The following ALG14 variants were observed in gnomAD, a reference collection of about 807,000 sequenced individuals.
ALG14 encodes the protein ALG14 UDP-N-acetylglucosaminyltransferase subunit, also known as UDP-N-acetylglucosamine transferase subunit ALG14.
In ALG14, 17 loss-of-function variants were observed where a neutral mutation model predicts 22.8. The observed-to-expected ratio is 0.75, with a 90% CI of 0.51 to 1.12. The LOEUF (loss-of-function observed/expected upper bound fraction) is 1.12, where lower values mean the gene tolerates loss of function less well. Ranked by LOEUF, ALG14 falls within the 50% of genes most tolerant of loss-of-function variation. The pLI, the probability that ALG14 is intolerant of heterozygous loss-of-function variation, is 0.00. For missense variants in ALG14, 288 were observed against 271.8 expected (o/e 1.06, Z -0.42); for synonymous variants, 89 against 103.7 (o/e 0.86, Z 0.86).
intron 3 of ALG14, among the ~76,000 whole-genome samples, chr1:94,984,607 ATTTGTCTTCAGAC>A (rs1258891592): frequency 6.6e-6 from 1 of 152,208 alleles, no homozygotes. Flanking sequence ...TTTATGGAGA[ATTTGTCTTCAGAC>A]TTTCCCTTGA....
At chr1:94,986,466 CTTTT>C (rs891261423) in intron 3 of ALG14, among the ~76,000 whole-genome samples, 1 of 151,402 alleles carries the variant, frequency 6.6e-6, no homozygotes, top group African/African-American at 2.4e-5. Flanking sequence ...TGACTGACAG[CTTTT>C]TTTTTCTTTT....
intron 2 of ALG14, among the ~76,000 whole-genome samples, chr1:95,057,669 C>T (rs1355574225): frequency 6.7e-6 from 1 of 148,322 alleles, no homozygotes; most frequent in African/African-American, 2.5e-5. Flanking sequence ...TACATATGAC[C>T]TATATATAAT....
At chr1:94,992,957 T>C (rs1329954842) in intron 3 of ALG14, among the ~76,000 whole-genome samples, 5 of 151,886 alleles carry the variant, frequency 3.3e-5, no homozygotes, top group Non-Finnish European at 5.9e-5. Context: ...CTTGTGGCAT[T>C]TTTCAAACTT....
chr1:95,001,605 C>T (rs1316035389), intron 3 of ALG14, among the ~76,000 whole-genome samples: 3 of 152,304 alleles, frequency 2.0e-5, no homozygotes, highest in African/African-American at 4.8e-5. Context: ...GAGCAATTCT[C>T]GTGTCTCAGC....
At chr1:95,019,557 GA>G (rs1386940674) in intron 3 of ALG14, among the ~76,000 whole-genome samples, 1 of 152,264 alleles carries the variant, frequency 6.6e-6, no homozygotes, top group East Asian at 1.9e-4. Flanking sequence ...GTATCTTAGG[GA>G]AAATCAGTTA....
At chr1:95,029,579 G>A (rs1673934070) in intron 2 of ALG14, among the ~76,000 whole-genome samples, 1 of 152,150 alleles carries the variant, frequency 6.6e-6, no homozygotes, top group East Asian at 1.9e-4. Context: ...CTTTCCCCTT[G>A]GCCTTGAGAA....
chr1:95,053,133 A>C (rs1201215513), intron 2 of ALG14, among the ~76,000 whole-genome samples: 2 of 152,192 alleles, frequency 1.3e-5, no homozygotes, highest in Non-Finnish European at 2.9e-5. Context: ...AAATTCTGCT[A>C]TATGTCATTT....
At chr1:95,026,084 C>T (rs571252014) in intron 3 of ALG14, among the ~76,000 whole-genome samples, 6 of 152,162 alleles carry the variant, frequency 3.9e-5, no homozygotes, top group Non-Finnish European at 7.3e-5. Context: ...AGGCGCCCAC[C>T]ACCACGGCCG....
chr1:94,983,600 G>A lies in ALG14; in HGVS notation c.421-294C>T, dbSNP rs551984591. On this transcript the variant is annotated intron_variant, in intron 3 of 3. Transcript: ENST00000370205. Reference sequence around the variant, plus strand: ...TGCTCAGTCAGCACTCATCGGACAGGCATGTGTTGCTCTTCTCTGACTGCT... The same window carrying A: ...TGCTCAGTCAGCACTCATCGGACAGACATGTGTTGCTCTTCTCTGACTGCT... The A allele has an allele frequency of 8.5e-6, 3 of 352,064 alleles. No individual in the cohort carries two copies. In the Admixed American group the frequency reaches 1.3e-4, roughly 16 times the overall value. 21.8% of individuals were successfully genotyped at this position (352,064 alleles called of 1,614,324 possible).
intron 3 of ALG14, among the ~76,000 whole-genome samples, chr1:94,992,975 A>T (rs893607245): frequency 6.6e-6 from 1 of 151,876 alleles, no homozygotes; most frequent in African/African-American, 2.4e-5. Flanking sequence ...CTTTAAGGGT[A>T]CTGTGTGGAA....
chr1:95,011,430 CT>C lies in ALG14; in HGVS notation c.420+15698del, dbSNP rs1389887684. On this transcript the variant is annotated intron_variant, in intron 3 of 3. Coordinates refer to ENST00000370205, the MANE Select transcript of ALG14 (RefSeq NM_144988.4). ...CTGTGAGAAATAAATTTCTTTCTTT[CT>C]TTTTTTTTTTTTGAGACAGAGTCTC... Among the ~76,000 whole-genome samples the C allele has an allele frequency of 5.1e-3, 745 of 144,766 alleles. 1 individual carries two copies. The highest frequency in any genetic ancestry group is 0.012 in the African/African-American group (470 of 39,806). 95.0% of individuals were successfully genotyped at this position (144,766 alleles called of 152,430 possible).
intron 3 of ALG14, among the ~76,000 whole-genome samples, chr1:95,017,523 A>G (rs551863105): frequency 6.6e-6 from 1 of 152,266 alleles, no homozygotes; most frequent in African/African-American, 2.4e-5. Context: ...CAGGTGGGAG[A>G]GAATGTCAAG....
chr1:95,025,910 G>A (rs1033568781), intron 3 of ALG14, among the ~76,000 whole-genome samples: 6 of 152,146 alleles, frequency 3.9e-5, no homozygotes, highest in Non-Finnish European at 8.8e-5. Flanking sequence ...TGTACTTATC[G>A]TGAAACCAGT....
chr1:95,047,997 T>C (rs915113263), intron 2 of ALG14, among the ~76,000 whole-genome samples: 9 of 152,004 alleles, frequency 5.9e-5, no homozygotes, highest in African/African-American at 2.2e-4. Flanking sequence ...ACATAAACAA[T>C]AAATAAAATT....
At chr1:94,991,151 A>C (rs984683799) in intron 3 of ALG14, among the ~76,000 whole-genome samples, 1 of 152,260 alleles carries the variant, frequency 6.6e-6, no homozygotes, top group Non-Finnish European at 1.5e-5. Context: ...AGCAAAGATA[A>C]TATGACAGGT....
chr1:94,984,749 G>T (rs1672592689), intron 3 of ALG14, among the ~76,000 whole-genome samples: 1 of 152,146 alleles, frequency 6.6e-6, no homozygotes, highest in East Asian at 1.9e-4. Context: ...AGAGTCAGGG[G>T]AACAAGGTTA....
intron 3 of ALG14, among the ~76,000 whole-genome samples, chr1:95,003,672 G>T (rs888118862): frequency 6.6e-6 from 1 of 151,852 alleles, no homozygotes; most frequent in African/African-American, 2.4e-5. Context: ...GTTGCCTAGG[G>T]TGGTCTTGAA....
intron 3 of ALG14, among the ~76,000 whole-genome samples, chr1:95,024,044 C>T (rs907592713): frequency 6.6e-6 from 1 of 152,196 alleles, no homozygotes; most frequent in Non-Finnish European, 1.5e-5. Flanking sequence ...TCAGCAATCT[C>T]ACAAATTAAC....
chr1:95,001,446 AT>A (rs1209139469), intron 3 of ALG14, among the ~76,000 whole-genome samples: 2 of 152,140 alleles, frequency 1.3e-5, no homozygotes, highest in African/African-American at 4.8e-5. Flanking sequence ...ATCTTCCAAC[AT>A]GGCTTTTATT....
Sources: allele counts gnomAD v4.1 joint callset (sites outside exome capture counted in the v4.1 genomes callset), GRCh38; gene constraint gnomAD v4.1.1; transcripts MANE v1.5; gene names NCBI Gene and HGNC (gene_info 2026-07-23, HGNC 2026-07-21).